The following LNX1 variants were observed in gnomAD, a reference collection of about 807,000 sequenced individuals.
LNX1 encodes the protein E3 ubiquitin-protein ligase LNX.
In LNX1, 54 loss-of-function variants were observed where a neutral mutation model predicts 68.4. That is an observed-to-expected ratio of 0.79 (90% confidence interval 0.63 to 0.99). LNX1 has a LOEUF of 0.99. Ranked by LOEUF, LNX1 falls within the 50% of genes least tolerant of loss-of-function variation. LNX1 has a pLI of 0.00. For missense variants in LNX1, 906 were observed against 926.4 expected (o/e 0.98, Z 0.29); for synonymous variants, 336 against 350.0 (o/e 0.96, Z 0.45).
At chr4:53,640,875 C>A (rs774049454) in intron 1 of LNX1, among the ~76,000 whole-genome samples, 35 of 152,212 alleles carry the variant, frequency 2.3e-4, no homozygotes, top group Non-Finnish European at 4.0e-4. Context: ...AGGTTCGACT[C>A]ACATGAGCTA....
At chr4:53,606,082 G>A (rs553506377) in intron 2 of LNX1, among the ~76,000 whole-genome samples, 15 of 151,940 alleles carry the variant, frequency 9.9e-5, no homozygotes, top group Non-Finnish European at 1.9e-4. Flanking sequence ...GCAGAAGACA[G>A]GAAATAATCA....
At chr4:53,647,224 G>A (rs1734919432) in intron 1 of LNX1, among the ~76,000 whole-genome samples, 1 of 152,102 alleles carries the variant, frequency 6.6e-6, no homozygotes, top group Admixed American at 6.5e-5. Flanking sequence ...ACAACCTTTG[G>A]CTCACCTGCC....
intron 3 of LNX1, among the ~76,000 whole-genome samples, chr4:53,507,758 AG>A (rs1726011145): frequency 2.0e-5 from 3 of 152,216 alleles, no homozygotes. Flanking sequence ...ATGAATCATT[AG>A]GTCTAGTTTC....
At chr4:53,551,704 C>T (rs1475685550) in intron 2 of LNX1, among the ~76,000 whole-genome samples, 1 of 152,296 alleles carries the variant, frequency 6.6e-6, no homozygotes, top group Admixed American at 6.5e-5. Context: ...TCAAACCACC[C>T]GGCTGATCTC....
chr4:53,461,703 A>C, intron 9 of LNX1, 110 bp from the exon 10 acceptor site: 1 of 767,724 alleles, frequency 1.3e-6, no homozygotes, highest in South Asian at 2.1e-5. Context: ...ATGGCTAAGT[A>C]CCACTGCATA....
upstream of LNX1, among the ~76,000 whole-genome samples, chr4:53,620,850 T>C (rs1733844017): frequency 6.6e-6 from 1 of 152,176 alleles, no homozygotes; most frequent in Admixed American, 6.5e-5. Flanking sequence ...AATCAAGGTA[T>C]GCATGTGTTC....
chr4:53,527,915 C>G (rs1447859334), intron 2 of LNX1, among the ~76,000 whole-genome samples: 1 of 152,206 alleles, frequency 6.6e-6, no homozygotes, highest in East Asian at 1.9e-4. Context: ...ATGCCACCAG[C>G]AATTAGGTGA....
At chr4:53,503,893 G>C (rs1445247396) in intron 4 of LNX1, among the ~76,000 whole-genome samples, 1 of 152,208 alleles carries the variant, frequency 6.6e-6, no homozygotes, top group Non-Finnish European at 1.5e-5. Context: ...TAGCACTTTG[G>C]GAGGCCGAGG....
intron 2 of LNX1, among the ~76,000 whole-genome samples, chr4:53,600,716 ATTTTT>A (rs1732963393): frequency 8.6e-6 from 1 of 116,958 alleles, no homozygotes; most frequent in South Asian, 2.7e-4. Flanking sequence ...CTGTTTTTTT[ATTTTT>A]ATTTTTATTT....
At chr4:53,550,071 G>C (rs550083995) in intron 2 of LNX1, among the ~76,000 whole-genome samples, 15 of 152,110 alleles carry the variant, frequency 9.9e-5, no homozygotes, top group Non-Finnish European at 1.6e-4. Flanking sequence ...ATTCTCAAAG[G>C]GGGGAAAAAA....
intron 6 of LNX1, among the ~76,000 whole-genome samples, chr4:53,494,452 T>G (rs556796977): frequency 6.6e-6 from 1 of 152,326 alleles, no homozygotes; most frequent in African/African-American, 2.4e-5. Context: ...TTGTGTCTCC[T>G]TAGGATGACC....
At chr4:53,566,483 G>C (rs1426998161) in intron 2 of LNX1, among the ~76,000 whole-genome samples, 3 of 150,946 alleles carry the variant, frequency 2.0e-5, no homozygotes, top group Non-Finnish European at 4.4e-5. Context: ...TGCCCTAAAA[G>C]AGCTCCTGAA....
At chr4:53,518,766 G>A (rs1378289121) in intron 2 of LNX1, among the ~76,000 whole-genome samples, 1 of 150,984 alleles carries the variant, frequency 6.6e-6, no homozygotes, top group Non-Finnish European at 1.5e-5. Flanking sequence ...CTGTTAATAG[G>A]CCATGCACCC....
intron 2 of LNX1, among the ~76,000 whole-genome samples, chr4:53,570,352 A>G (rs1731057910): frequency 6.7e-6 from 1 of 150,098 alleles, no homozygotes; most frequent in African/African-American, 2.5e-5. Context: ...TGATGAGTTC[A>G]TGTCCTTTGT....
intron 9 of LNX1, among the ~76,000 whole-genome samples, chr4:53,464,603 A>G (rs1272319070): frequency 2.3e-5 from 3 of 130,510 alleles, no homozygotes; most frequent in African/African-American, 8.5e-5. Flanking sequence ...AAATGTCTAT[A>G]TGCATACTTT....
intron 2 of LNX1, among the ~76,000 whole-genome samples, chr4:53,563,908 T>C (rs1265942155): frequency 6.6e-6 from 1 of 152,218 alleles, no homozygotes; most frequent in Non-Finnish European, 1.5e-5. Flanking sequence ...ATATCAGGCA[T>C]ATGGTGACTA....
intron 1 of LNX1, among the ~76,000 whole-genome samples, chr4:53,628,644 G>T (rs970566765): frequency 3.3e-5 from 5 of 152,178 alleles, no homozygotes; most frequent in Non-Finnish European, 4.4e-5. Context: ...CAAAGGAAAA[G>T]AAGTCATTAT....
intron 9 of LNX1, among the ~76,000 whole-genome samples, chr4:53,470,591 C>G (rs935404858): frequency 1.3e-5 from 2 of 152,156 alleles, no homozygotes; most frequent in Non-Finnish European, 2.9e-5. Context: ...CTAGAAAACC[C>G]CATCATCTCA....
rs779263911 is a variant in LNX1, at chr4:53,573,662, A to T, written c.341T>A (p.Val114Glu). Residue 114 changes from valine to glutamate, a missense_variant, in exon 2 of 11, where the codon GTG (valine) becomes GAG (glutamate). Physicochemically the swap from Val to Glu is moderately radical, Grantham distance 121. Transcript: ENST00000263925. Reference protein sequence around the residue: ...TCPFREHCTQVLQRCDLEHHF... With the variant: ...TCPFREHCTQELQRCDLEHHF... ...ATGCTCGAGGTCACAGCGCTGCAAC[A>T]CCTGGGTGCAGTGCTCCCTGAATGG... 5 of 1,606,824 alleles carry T rather than the reference A, an allele frequency of 3.1e-6. No individual in the cohort carries two copies. In the Admixed American group the frequency reaches 8.5e-5, roughly 27 times the overall value.
Sources: gnomAD v4.1 joint callset for allele counts (sites outside exome capture counted in the v4.1 genomes callset) on GRCh38, gnomAD v4.1.1 for gene constraint, MANE v1.5 for transcripts, NCBI Gene and HGNC (gene_info 2026-07-23, HGNC 2026-07-21) for gene names.